The following HERC6 variants were observed in gnomAD, a reference collection of about 807,000 sequenced individuals.
The protein encoded by HERC6 is probable E3 ubiquitin-protein ligase HERC6.
HERC6 carries 101 observed loss-of-function variants against 114.5 expected under a neutral mutation model. The ratio of observed to expected loss-of-function variants is 0.88; its 90% CI spans 0.75 to 1.04. The LOEUF (loss-of-function observed/expected upper bound fraction) is 1.04. HERC6 is among the 50% of genes least tolerant of loss of function. The probability of loss-of-function intolerance (pLI) is 0.00; values close to 1 mark genes in which losing one functional copy is unlikely to be tolerated. For synonymous variants in HERC6, 408 were observed against 436.2 expected (o/e 0.94, Z 0.81); for missense variants, 1,133 against 1,230.9 (o/e 0.92, Z 1.19).
In HERC6 at chr4:88,442,716, C is replaced by G; in HGVS notation, c.*256C>G. 3.9e-6 allele frequency: 2 copies of G among 513,704 alleles called. No homozygotes were observed. Among genetic ancestry groups the G allele is most frequent in the Non-Finnish European group, 3.5e-6 (1 of 283,808 alleles). The allele number at this position is 513,704 out of a possible 1,614,324, so 31.8% of individuals were successfully genotyped here. On this transcript the variant is annotated 3_prime_UTR_variant, in exon 23 of 23. Transcript: ENST00000264346. ...TGGCACTGAAGAGTCTGAACACTGG[C>G]CTGTGATTGGTCCATTCCAGGACCT...
At chr4:88,419,865 T>A (rs536413954) in intron 13 of HERC6, among the ~76,000 whole-genome samples, 2 of 152,194 alleles carry the variant, frequency 1.3e-5, no homozygotes, top group Admixed American at 1.3e-4. Flanking sequence ...GTTTTACTAA[T>A]GTTGTGATAG....
intron 1 of HERC6, 57 bp downstream of exon 1, chr4:88,379,177 C>A: frequency 7.4e-7 from 1 of 1,355,316 alleles, no homozygotes; most frequent in Non-Finnish European, 9.8e-7. Context: ...GGCGCGGGGG[C>A]TTGGGTACCG....
intron 7 of HERC6, 108 bp downstream of exon 7, chr4:88,397,095 CTTTTAT>C (rs1431263635): frequency 2.3e-6 from 2 of 875,440 alleles, no homozygotes; most frequent in East Asian, 5.9e-5. Context: ...TCCCCTAGTA[CTTTTAT>C]TTTTATTTTT....
chr4:88,421,041 A>T (rs1227615663), intron 13 of HERC6, among the ~76,000 whole-genome samples: 2 of 152,184 alleles, frequency 1.3e-5, no homozygotes, highest in Non-Finnish European at 2.9e-5. Context: ...ATCACACATT[A>T]TGTAGTCTTT....
intron 8 of HERC6, among the ~76,000 whole-genome samples, chr4:88,403,497 G>A (rs1169629088): frequency 6.6e-6 from 1 of 152,230 alleles, no homozygotes; most frequent in Non-Finnish European, 1.5e-5. Context: ...GCTCAAGCCT[G>A]TAATCCCAGG....
chr4:88,434,788 A>G (rs934027672), intron 17 of HERC6, among the ~76,000 whole-genome samples: 2 of 151,816 alleles, frequency 1.3e-5, no homozygotes, highest in African/African-American at 4.8e-5. Flanking sequence ...AAACCAAAAC[A>G]AAACACCCTG....
chr4:88,437,380 C>T (rs961587635), intron 19 of HERC6, among the ~76,000 whole-genome samples: 40 of 152,184 alleles, frequency 2.6e-4, no homozygotes, highest in African/African-American at 9.4e-4. Flanking sequence ...TTTTAAAAGA[C>T]ATTTTATTTC....
chr4:88,423,933 A>T lies in HERC6; in HGVS notation c.1787A>T (p.Tyr596Phe). Residue 596 changes from tyrosine to phenylalanine, a missense_variant, in exon 14 of 23, where the codon TAT becomes TTT. This residue lies in a region of HERC6 where 735 missense variants were observed against 754.0 expected (regional missense o/e 0.97). Transcript: ENST00000264346. ...INELSNLLNF[Y>F]IDRGRQLFRD... ...GAACTCTCCAACTTATTAAACTTTT[A>T]TATAGATAGAGGAAGACAGCTCTTT... The T allele has an allele frequency of 6.4e-7, 1 of 1,563,844 alleles. No homozygotes were observed. The highest frequency in any genetic ancestry group is 1.4e-5 in the African/African-American group (1 of 72,504).
intron 19 of HERC6, 66 bp from the exon 20 acceptor site, chr4:88,437,645 T>C: frequency 1.0e-6 from 1 of 961,154 alleles, no homozygotes; most frequent in Non-Finnish European, 1.6e-6. Context: ...GCAATAAAGA[T>C]ATTATGGGTG....
Position 88,440,073 on chromosome 4 carries a change from A to G in HERC6, c.2739+16A>G, listed in dbSNP as rs1739190794. 3.1e-6 allele frequency: 5 copies of G among 1,607,792 alleles called. No individual in the cohort carries two copies. Among genetic ancestry groups the G allele is most frequent in the Non-Finnish European group, 3.4e-6 (4 of 1,177,454 alleles). On this transcript the variant is annotated intron_variant, in intron 21 of 22. Coordinates refer to ENST00000264346, the MANE Select transcript of HERC6 (RefSeq NM_017912.4). ...GTTTGAACAGGTAGGTGATACCTAA[A>G]GTGCCCCAATTTTTCCGAACAACTT...
At chr4:88,423,049 T>C (rs1737217515) in intron 13 of HERC6, among the ~76,000 whole-genome samples, 1 of 151,996 alleles carries the variant, frequency 6.6e-6, no homozygotes, top group South Asian at 2.1e-4. Flanking sequence ...TTTTTCATTC[T>C]TGATACTGGT....
chr4:88,435,920 C>G, intron 18 of HERC6, 29 bp downstream of exon 18: 1 of 1,526,996 alleles, frequency 6.5e-7, no homozygotes, highest in Non-Finnish European at 8.9e-7. Flanking sequence ...TTTTCAGGAC[C>G]GTATCTAGTA....
chr4:88,437,596 C>A, intron 19 of HERC6, 115 bp from the exon 20 acceptor site: 2 of 688,944 alleles, frequency 2.9e-6, no homozygotes, highest in Non-Finnish European at 5.0e-6. Flanking sequence ...AATTATTTAG[C>A]TCCAAGTTAT....
intron 18 of HERC6, 56 bp downstream of exon 18, chr4:88,435,947 G>C (rs995755668): frequency 7.6e-7 from 1 of 1,323,978 alleles, no homozygotes; most frequent in Non-Finnish European, 1.0e-6. Flanking sequence ...AGTTGTTTAG[G>C]CATAAATAAT....
intron 17 of HERC6, among the ~76,000 whole-genome samples, chr4:88,435,238 C>G (rs535241849): frequency 2.6e-5 from 4 of 152,046 alleles, no homozygotes; most frequent in African/African-American, 9.7e-5. Flanking sequence ...TGGTCCCTAG[C>G]GTCAGTCACC....
chr4:88,412,084 C>A (rs186022538), intron 11 of HERC6, among the ~76,000 whole-genome samples: 6 of 152,248 alleles, frequency 3.9e-5, no homozygotes, highest in Admixed American at 2.0e-4. Context: ...ACTTTCTAAT[C>A]GAGTAACGCT....
In HERC6 at chr4:88,398,178, G is replaced by A; in HGVS notation, c.1061G>A (p.Gly354Glu). Reference sequence around the variant, plus strand: ...GTTCAAGTCAAACACATTTTTGCTGGAACATATGCCAACTTTGTGACAACT... The same window carrying A: ...GTTCAAGTCAAACACATTTTTGCTGAAACATATGCCAACTTTGTGACAACT... Reference protein sequence around the residue: ...VDVQVKHIFAGTYANFVTTHQ... With the variant: ...VDVQVKHIFAETYANFVTTHQ... The change falls in exon 8 of 23, where the codon GGA (glycine) becomes GAA (glutamate). Residue 354 changes from glycine (G) to glutamate (E), a missense_variant. Gly to Glu is a moderately conservative substitution (Grantham distance 98, BLOSUM62 -2). Coordinates refer to ENST00000264346, the MANE Select transcript of HERC6 (RefSeq NM_017912.4). 6.3e-7 allele frequency: 1 copy of A among 1,596,256 alleles called. No individual in the cohort carries two copies. Among genetic ancestry groups the A allele is most frequent in the Non-Finnish European group, 8.5e-7 (1 of 1,172,076 alleles).
chr4:88,420,644 C>A (rs1289467069), intron 13 of HERC6, among the ~76,000 whole-genome samples: 1 of 152,006 alleles, frequency 6.6e-6, no homozygotes, highest in East Asian at 1.9e-4. Context: ...AGATATAATT[C>A]TCTCATTTAA....
intron 6 of HERC6, among the ~76,000 whole-genome samples, chr4:88,396,512 A>C (rs950901521): frequency 3.3e-5 from 5 of 152,168 alleles, no homozygotes; most frequent in African/African-American, 1.2e-4. Flanking sequence ...TGCGTAACCT[A>C]ATTATGAGGA....
Sources: allele counts gnomAD v4.1 joint callset (sites outside exome capture counted in the v4.1 genomes callset), GRCh38; gene constraint gnomAD v4.1.1; regional missense constraint gnomAD v4.1.1; transcripts MANE v1.5; gene names NCBI Gene and HGNC (gene_info 2026-07-23, HGNC 2026-07-21).